Variants in ITPKB observed in about 807,000 individuals in gnomAD.
ITPKB encodes the protein inositol-trisphosphate 3-kinase B, also known as IP3 3-kinase B.
A neutral mutation model predicts 69.4 loss-of-function variants in ITPKB; 13 were observed. The ratio of observed to expected loss-of-function variants is 0.19; its 90% CI spans 0.12 to 0.30. The LOEUF (loss-of-function observed/expected upper bound fraction) is 0.30. Among genes scored for constraint, ITPKB ranks in the 10% least tolerant of loss-of-function variants. ITPKB has a pLI of 1.00. For missense variants in ITPKB, 1,240 were observed against 1,250.5 expected, an observed-to-expected ratio of 0.99 and a Z score of 0.13; for synonymous variants, 584 against 513.7, an observed-to-expected ratio of 1.14 and a Z score of -1.85.
chr1:226,712,523 G>A (rs1009129345), intron 2 of ITPKB, among the ~76,000 whole-genome samples: 9 of 152,196 alleles, frequency 5.9e-5, no homozygotes, highest in African/African-American at 2.2e-4. Flanking sequence ...ATAGCTGTAT[G>A]CAACATGCCC....
At chr1:226,673,702 C>A (rs1292951950) in intron 2 of ITPKB, among the ~76,000 whole-genome samples, 1 of 152,126 alleles carries the variant, frequency 6.6e-6, no homozygotes, top group Non-Finnish European at 1.5e-5. Context: ...TGTACATATA[C>A]CATATACATT....
intron 4 of ITPKB, among the ~76,000 whole-genome samples, chr1:226,645,450 G>T (rs1216562535): frequency 6.6e-6 from 1 of 152,094 alleles, no homozygotes. Context: ...CCTGTCCCCA[G>T]CAGGAGCAGG....
intron 2 of ITPKB, among the ~76,000 whole-genome samples, chr1:226,726,026 G>A (rs957572608): frequency 2.0e-5 from 3 of 152,144 alleles, no homozygotes; most frequent in South Asian, 2.1e-4. Context: ...CAAAGTCATC[G>A]TACTCATAAT....
rs1668783770 is a variant in ITPKB at position 226,634,350 on chromosome 1, G to T, written c.*321C>A. The T allele has an allele frequency of 6.2e-6, 2 of 323,784 alleles. No individual in the cohort carries two copies. The highest frequency in any genetic ancestry group is 7.8e-5 in the South Asian group (2 of 25,722). 20.1% of individuals were successfully genotyped at this position (323,784 alleles called of 1,614,324 possible). ...AGGTCCAGGCTGGTGCTTCCTAGGGGGCTCCCAGAGGCAGGGCTCATCTGG... is the reference window on the plus strand; with the variant it reads ...AGGTCCAGGCTGGTGCTTCCTAGGGTGCTCCCAGAGGCAGGGCTCATCTGG... On this transcript the variant is annotated 3_prime_UTR_variant, in exon 8 of 8. Transcript: ENST00000429204. This position sits in a 1 kb window ranked among gnomAD's most constrained non-coding sequence, Gnocchi z 6.3.
chr1:226,725,886 G>T (rs1234832302), intron 2 of ITPKB, among the ~76,000 whole-genome samples: 1 of 152,196 alleles, frequency 6.6e-6, no homozygotes, highest in Non-Finnish European at 1.5e-5. Flanking sequence ...GTCCACCTCA[G>T]AACTGGCTCT....
intron 2 of ITPKB, among the ~76,000 whole-genome samples, chr1:226,654,925 G>A (rs572873898): frequency 6.6e-6 from 1 of 152,104 alleles, no homozygotes; most frequent in Admixed American, 6.5e-5. Context: ...GGAAGAAGAG[G>A]AGAAGAGTGA....
intron 2 of ITPKB, among the ~76,000 whole-genome samples, chr1:226,724,806 G>C (rs1312698246): frequency 1.3e-5 from 2 of 152,214 alleles, no homozygotes; most frequent in African/African-American, 4.8e-5. Context: ...CGAGAGCATA[G>C]CAACAGTGCA....
At chr1:226,731,587 C>G (rs1222845906) in intron 2 of ITPKB, among the ~76,000 whole-genome samples, 1 of 152,150 alleles carries the variant, frequency 6.6e-6, no homozygotes, top group Non-Finnish European at 1.5e-5. Context: ...TGAGATCATT[C>G]CCATACAATA....
chr1:226,703,455 C>T (rs569459932), intron 2 of ITPKB, among the ~76,000 whole-genome samples: 2 of 152,358 alleles, frequency 1.3e-5, no homozygotes, highest in African/African-American at 4.8e-5. Flanking sequence ...GCCTGCTCTA[C>T]AGGGGGCTTT....
At chr1:226,656,136 G>T (rs1669283071) in intron 2 of ITPKB, among the ~76,000 whole-genome samples, 1 of 152,192 alleles carries the variant, frequency 6.6e-6, no homozygotes, top group Non-Finnish European at 1.5e-5. Flanking sequence ...TTCCCAGGAA[G>T]CCTTCCATTG....
chr1:226,691,392 T>G (rs896636277), intron 2 of ITPKB, among the ~76,000 whole-genome samples: 1 of 152,160 alleles, frequency 6.6e-6, no homozygotes, highest in Non-Finnish European at 1.5e-5. Flanking sequence ...GGAGCCGTGC[T>G]GGGGTGGGGC....
chr1:226,710,531 G>A (rs549133795), intron 2 of ITPKB, among the ~76,000 whole-genome samples: 2 of 152,156 alleles, frequency 1.3e-5, no homozygotes, highest in Admixed American at 1.3e-4. Flanking sequence ...CTGGGATCCC[G>A]CCCCTTGACT....
At chr1:226,709,755 A>C (rs1473266958) in intron 2 of ITPKB, among the ~76,000 whole-genome samples, 1 of 152,176 alleles carries the variant, frequency 6.6e-6, no homozygotes, top group African/African-American at 2.4e-5. Flanking sequence ...CCTGACCTGC[A>C]ATTAGGTTTC....
intron 2 of ITPKB, among the ~76,000 whole-genome samples, chr1:226,695,598 C>T (rs1366610845): frequency 2.6e-5 from 4 of 152,206 alleles, no homozygotes; most frequent in Non-Finnish European, 4.4e-5. Context: ...CATTGAACCC[C>T]GCCATCCTCT....
chr1:226,737,074 T>C lies in ITPKB; in HGVS notation c.385A>G (p.Arg129Gly). 6.2e-7 allele frequency: 1 copy of C among 1,610,860 alleles called. No homozygotes were observed. The highest frequency in any genetic ancestry group is 8.5e-7 in the Non-Finnish European group (1 of 1,179,914). Reference sequence around the variant, plus strand: ...TCGCGCTGCAAGATCCGCAGCTTCCTCTTGGCCTCCTCCGGCCCTGGCGGG... The same window carrying C: ...TCGCGCTGCAAGATCCGCAGCTTCCCCTTGGCCTCCTCCGGCCCTGGCGGG... ...LSPPGPEEAK[R>G]KLRILQRELQ... Residue 129 changes from arginine (R) to glycine (G), a missense_variant, in exon 2 of 8, where the codon AGG becomes GGG. This residue lies in a region of ITPKB where 992 missense variants were observed against 853.8 expected (regional missense o/e 1.16). Coordinates refer to ENST00000429204, the MANE Select transcript of ITPKB (RefSeq NM_002221.4).
intron 2 of ITPKB, among the ~76,000 whole-genome samples, chr1:226,670,964 CAAAT>C (rs1445301270): frequency 3.9e-5 from 6 of 152,096 alleles, no homozygotes; most frequent in Admixed American, 2.6e-4. Context: ...TACAGAACAC[CAAAT>C]AAACAAGTAA....
At chr1:226,727,310 T>C (rs890896219) in intron 2 of ITPKB, among the ~76,000 whole-genome samples, 3 of 152,110 alleles carry the variant, frequency 2.0e-5, no homozygotes, top group Non-Finnish European at 4.4e-5. Flanking sequence ...CATAGAGAAG[T>C]TGAAAACAAA....
At position 226,737,118 on chromosome 1, in the gene ITPKB, A is replaced by G. The variant is rs746531750; in HGVS notation, c.341T>C (p.Val114Ala). The change falls in exon 2 of 8, where the codon GTG (valine) becomes GCG (alanine). Residue 114 changes from valine (V) to alanine (A), a missense_variant. Around this residue, in one of 2 missense-constraint regions of ITPKB, gnomAD observed 992 missense variants for 853.8 expected, o/e 1.16. Transcript: ENST00000429204. Reference sequence around the variant, plus strand: ...TGGCGGGGAGAGGGTACCGGCTGCCACCACCTGCTGCCGGTCCCCTCGCAG... The same window carrying G: ...TGGCGGGGAGAGGGTACCGGCTGCCGCCACCTGCTGCCGGTCCCCTCGCAG... ...GRLRGDRQQV[V>A]AAGTLSPPGP... 8 of 1,604,056 alleles carry G rather than the reference A, an allele frequency of 5.0e-6. No individual in the cohort carries two copies. The African/African-American group carries it at 6.7e-5, about 13-fold the overall frequency.
At chr1:226,681,865 C>G (rs1571856406) in intron 2 of ITPKB, among the ~76,000 whole-genome samples, 1 of 152,198 alleles carries the variant, frequency 6.6e-6, no homozygotes, top group African/African-American at 2.4e-5. Context: ...ATCTGTCACT[C>G]AGGAGTCCAA....
Sources: allele counts gnomAD v4.1 joint callset (sites outside exome capture counted in the v4.1 genomes callset), GRCh38; gene constraint gnomAD v4.1.1; regional missense constraint gnomAD v4.1.1; non-coding constraint Gnocchi (gnomAD v3.1); transcripts MANE v1.5; gene names NCBI Gene and HGNC (gene_info 2026-07-23, HGNC 2026-07-21).